The following MAOB variants were observed in gnomAD, a reference collection of about 807,000 sequenced individuals.
MAOB encodes monoamine oxidase B.
A neutral mutation model predicts 41.9 loss-of-function variants in MAOB; 15 were observed. The observed-to-expected ratio is 0.36, with a 90% CI of 0.24 to 0.55. MAOB has a LOEUF of 0.55. Ranked by LOEUF, MAOB falls within the 20% of genes least tolerant of loss-of-function variation. MAOB has a pLI of 0.86. For missense variants in MAOB, 345 were observed against 398.7 expected (o/e 0.87, Z 1.15); for synonymous variants, 167 against 144.2 (o/e 1.16, Z -1.13).
chrX:43,808,639 T>TATCTA (rs751087110), intron 3 of MAOB, among the ~76,000 whole-genome samples: 1 of 59,357 alleles, frequency 1.7e-5, no homozygotes, highest in African/African-American at 8.7e-5. Flanking sequence ...TGCACATCTA[T>TATCTA]ATCTATATCT....
At chrX:43,852,551 A>G (rs748341381) in intron 1 of MAOB, among the ~76,000 whole-genome samples, 14 of 112,110 alleles carry the variant, frequency 1.2e-4, no homozygotes, top group Non-Finnish European at 2.1e-4. Context: ...GTTGGTTGGT[A>G]TATGAGTGTT....
intron 1 of MAOB, among the ~76,000 whole-genome samples, chrX:43,881,379 G>A (rs1192678280): frequency 8.8e-6 from 1 of 113,221 alleles, no homozygotes; most frequent in Non-Finnish European, 1.9e-5. Context: ...GGCAGCGTTA[G>A]GAGGTGGGCC....
intron 1 of MAOB, among the ~76,000 whole-genome samples, chrX:43,873,801 C>A (rs1158240544): frequency 1.8e-5 from 2 of 111,279 alleles, no homozygotes; most frequent in African/African-American, 6.5e-5. Flanking sequence ...CTCAGCCTCC[C>A]GAGTAGCTGG....
intron 3 of MAOB, among the ~76,000 whole-genome samples, chrX:43,828,692 G>T (rs905489705): frequency 1.8e-5 from 2 of 111,265 alleles, no homozygotes; most frequent in Admixed American, 1.9e-4. Flanking sequence ...CTCTATGTTG[G>T]CCTGCACCTA....
At chrX:43,805,392 A>G (rs991528817) in intron 3 of MAOB, among the ~76,000 whole-genome samples, 1 of 111,663 alleles carries the variant, frequency 9.0e-6, no homozygotes, top group Non-Finnish European at 1.9e-5. Flanking sequence ...TACCACTCCA[A>G]TCAAGATATA....
intron 1 of MAOB, among the ~76,000 whole-genome samples, chrX:43,845,499 A>G (rs1044511211): frequency 8.9e-6 from 1 of 112,070 alleles, no homozygotes; most frequent in African/African-American, 3.2e-5. Flanking sequence ...TGACATTCCC[A>G]TTTTATGGCC....
intron 11 of MAOB, 65 bp downstream of exon 11, chrX:43,778,617 T>C: frequency 1.1e-6 from 1 of 932,980 alleles, no homozygotes; most frequent in Non-Finnish European, 1.5e-6. Context: ...AACCTATCCC[T>C]GCTAGTCACT....
intron 8 of MAOB, among the ~76,000 whole-genome samples, chrX:43,783,817 G>A (rs1370690657): frequency 2.2e-4 from 25 of 111,909 alleles, no homozygotes; most frequent in African/African-American, 5.2e-4. Context: ...TGAAGGCTGC[G>A]ATGCTGTTTG....
At chrX:43,798,743 CT>C (rs1034774491) in intron 5 of MAOB, among the ~76,000 whole-genome samples, 4 of 111,708 alleles carry the variant, frequency 3.6e-5, no homozygotes, top group African/African-American at 1.3e-4. Flanking sequence ...CATTTTCCAC[CT>C]GGTAATGCTG....
intron 7 of MAOB, among the ~76,000 whole-genome samples, chrX:43,795,432 G>T (rs955263152): frequency 2.7e-5 from 3 of 111,595 alleles, no homozygotes; most frequent in African/African-American, 9.8e-5. Context: ...GGTCGTTTTG[G>T]GTTTTTATGG....
At chrX:43,792,701 G>A (rs1232560392) in intron 8 of MAOB, among the ~76,000 whole-genome samples, 1 of 112,036 alleles carries the variant, frequency 8.9e-6, no homozygotes, top group Non-Finnish European at 1.9e-5. Flanking sequence ...AGATGTTGGA[G>A]AAAAAGGAGC....
intron 13 of MAOB, 148 bp downstream of exon 13, chrX:43,769,159 C>T (rs909235175): frequency 1.1e-5 from 10 of 920,295 alleles, no homozygotes; most frequent in Non-Finnish European, 1.3e-5. Context: ...GTGTTCACTT[C>T]ACCTGAGACA....
intron 3 of MAOB, among the ~76,000 whole-genome samples, chrX:43,826,951 T>C (rs139427241): frequency 0.023 from 2,585 of 112,083 alleles, 70 homozygotes; most frequent in South Asian, 0.17. Context: ...ACTTGCCTTC[T>C]ACCAGGAGAA....
intron 1 of MAOB, among the ~76,000 whole-genome samples, chrX:43,853,255 G>A (rs1024397640): frequency 1.2e-5 from 1 of 86,850 alleles, no homozygotes; most frequent in East Asian, 3.7e-4. Context: ...GCGACAGAGC[G>A]AGAGTCCGTC....
chrX:43,839,758 A>C lies in MAOB; in HGVS notation c.142-753T>G, dbSNP rs139865191. Among the ~76,000 whole-genome samples, 128 of 112,256 alleles carry C rather than the reference A, an allele frequency of 1.1e-3. No homozygotes were observed. The Middle Eastern group carries it at 0.014, about 12-fold the overall frequency. On this transcript the variant is annotated intron_variant, in intron 2 of 14. Coordinates refer to ENST00000378069, the MANE Select transcript of MAOB (RefSeq NM_000898.5). ...TTCCAAACTCCTATAGCAGTTGTCCAATAAATTTTCTCAAATAAATGAAAG... is the reference window on the plus strand; with the variant it reads ...TTCCAAACTCCTATAGCAGTTGTCCCATAAATTTTCTCAAATAAATGAAAG...
In MAOB at chrX:43,850,031, C is replaced by T. The variant is rs140248407; in HGVS notation, c.47-6267G>A. On this transcript the variant is annotated intron_variant, in intron 1 of 14. Coordinates refer to ENST00000378069, the MANE Select transcript of MAOB (RefSeq NM_000898.5). ...CATTGCACAGTTCCCAGCACTCACA[C>T]GCATTCAATCCTTAACAATAATGCC... Among the ~76,000 whole-genome samples the T allele has an allele frequency of 2.4e-3, 271 of 112,088 alleles. 8 individuals are homozygous for T. In the East Asian group the frequency reaches 0.058, roughly 24 times the overall value.
chrX:43,768,573 A>T, intron 14 of MAOB, 81 bp downstream of exon 14: 1 of 778,980 alleles, frequency 1.3e-6, no homozygotes, highest in South Asian at 2.3e-5. Context: ...AAGGTATGTG[A>T]ATATATACAA....
At chrX:43,866,173 T>C (rs1274968310) in intron 1 of MAOB, among the ~76,000 whole-genome samples, 2 of 110,320 alleles carry the variant, frequency 1.8e-5, no homozygotes, top group African/African-American at 6.6e-5. Context: ...TCTCATGAGA[T>C]TTACATTTTA....
chrX:43,767,464 C>T lies in MAOB; in HGVS notation c.*2G>A, dbSNP rs1211591459. 2 of 1,208,054 alleles carry T rather than the reference C, an allele frequency of 1.7e-6. No individual in the cohort carries two copies. The highest frequency in any genetic ancestry group is 2.2e-6 in the Non-Finnish European group (2 of 893,542). Reference sequence around the variant, plus strand: ...GAGTGTGATTACAGACACCCTCTCTCTTTAGACTCTCACAAGTAGCCCCCT... The same window carrying T: ...GAGTGTGATTACAGACACCCTCTCTTTTTAGACTCTCACAAGTAGCCCCCT... On this transcript the variant is annotated 3_prime_UTR_variant, in exon 15 of 15. Coordinates refer to ENST00000378069, the MANE Select transcript of MAOB (RefSeq NM_000898.5).
Sources: gnomAD v4.1 joint callset for allele counts (sites outside exome capture counted in the v4.1 genomes callset) on GRCh38, gnomAD v4.1.1 for gene constraint, MANE v1.5 for transcripts, NCBI Gene and HGNC (gene_info 2026-07-23, HGNC 2026-07-21) for gene names.